The following DSCAML1 variants were observed in gnomAD, a reference collection of about 807,000 sequenced individuals.
DSCAML1 encodes the protein DS cell adhesion molecule like 1.
DSCAML1 carries 38 observed loss-of-function variants against 200.5 expected under a neutral mutation model. The ratio of observed to expected loss-of-function variants is 0.19; its 90% CI spans 0.15 to 0.25. The LOEUF is 0.25. Among genes scored for constraint, DSCAML1 ranks in the 10% least tolerant of loss-of-function variants. DSCAML1 has a pLI of 1.00. For missense variants in DSCAML1, 2,223 were observed against 2,858.8 expected (o/e 0.78, Z 5.07); for synonymous variants, 1,215 against 1,165.0 (o/e 1.04, Z -0.87).
chr11:117,477,349 AGTGTGTGTGTGTGTGTGTGTGT>A (rs5795087), intron 14 of DSCAML1, among the ~76,000 whole-genome samples: 4 of 140,098 alleles, frequency 2.9e-5, no homozygotes, highest in East Asian at 4.4e-4. Context: ...TGGTTCTGAA[AGTGTGTGTGTGTGTGTGTGTGT>A]GTGTGTGTGT....
chr11:117,673,328 C>T (rs773158893), intron 3 of DSCAML1, among the ~76,000 whole-genome samples: 29 of 152,284 alleles, frequency 1.9e-4, no homozygotes, highest in East Asian at 3.9e-4. Flanking sequence ...TTTCTGTTTA[C>T]GTTAAGCATC....
At chr11:117,701,850 C>T (rs980417945) in intron 3 of DSCAML1, among the ~76,000 whole-genome samples, 12 of 152,302 alleles carry the variant, frequency 7.9e-5, no homozygotes, top group South Asian at 2.1e-4. Context: ...GTCATCCCCG[C>T]GCTCAGCCTC....
intron 11 of DSCAML1, among the ~76,000 whole-genome samples, chr11:117,493,078 T>C (rs570947893): frequency 1.3e-5 from 2 of 152,106 alleles, no homozygotes; most frequent in South Asian, 2.1e-4. Context: ...CCGAACAGTA[T>C]GTGTGCAAGG....
chr11:117,441,772 G>A (rs2048054325), intron 21 of DSCAML1, among the ~76,000 whole-genome samples: 1 of 152,126 alleles, frequency 6.6e-6, no homozygotes, highest in African/African-American at 2.4e-5. Context: ...TCTCAGAGCA[G>A]GGGAGTTCTG....
intron 11 of DSCAML1, among the ~76,000 whole-genome samples, chr11:117,486,149 CAT>C (rs1156715081): frequency 1.3e-5 from 2 of 152,206 alleles, no homozygotes; most frequent in Non-Finnish European, 2.9e-5. Context: ...TTTTCTTTTC[CAT>C]CCTCGCCAGC....
intron 3 of DSCAML1, among the ~76,000 whole-genome samples, chr11:117,588,338 C>T (rs547717273): frequency 6.6e-6 from 1 of 152,144 alleles, no homozygotes; most frequent in Non-Finnish European, 1.5e-5. Flanking sequence ...CAGAGGAGTC[C>T]CCCTGCTCCT....
intron 14 of DSCAML1, among the ~76,000 whole-genome samples, chr11:117,477,511 A>G (rs1236317711): frequency 2.0e-5 from 3 of 152,078 alleles, no homozygotes; most frequent in Non-Finnish European, 4.4e-5. Flanking sequence ...TCTGCAAAAA[A>G]AAAATTGGCA....
intron 24 of DSCAML1, 55 bp from the exon 25 acceptor site, chr11:117,438,138 GC>G: frequency 6.5e-7 from 1 of 1,530,718 alleles, no homozygotes; most frequent in South Asian, 1.2e-5. Flanking sequence ...GGCAGCAGAA[GC>G]CCAGCCTCAG....
intron 19 of DSCAML1, among the ~76,000 whole-genome samples, chr11:117,456,102 G>A (rs931140565): frequency 2.0e-5 from 3 of 152,172 alleles, no homozygotes; most frequent in Non-Finnish European, 4.4e-5. Flanking sequence ...GTCTGTTGAG[G>A]GGGTTTCTGG....
intron 20 of DSCAML1, 102 bp from the exon 21 acceptor site, chr11:117,444,141 CG>C: frequency 1.5e-6 from 2 of 1,335,356 alleles, no homozygotes; most frequent in Non-Finnish European, 2.0e-6. Context: ...ATGGCGGGGT[CG>C]GATGCGAGGC....
intron 11 of DSCAML1, among the ~76,000 whole-genome samples, chr11:117,497,560 G>C (rs181766000): frequency 1.5e-4 from 23 of 152,334 alleles, no homozygotes; most frequent in Admixed American, 1.5e-3. Context: ...TGAGGCCAAA[G>C]AGACAGCCGG....
At chr11:117,703,062 G>A (rs1008495816) in intron 3 of DSCAML1, among the ~76,000 whole-genome samples, 4 of 152,200 alleles carry the variant, frequency 2.6e-5, no homozygotes, top group Non-Finnish European at 5.9e-5. Context: ...ATGCCGTAAA[G>A]ATGCACATAA....
At chr11:117,691,032 ATC>A (rs1253533812) in intron 3 of DSCAML1, among the ~76,000 whole-genome samples, 2 of 152,184 alleles carry the variant, frequency 1.3e-5, no homozygotes, top group Non-Finnish European at 1.5e-5. Flanking sequence ...AAAGGACAGG[ATC>A]TCTGTCCCCC....
intron 3 of DSCAML1, among the ~76,000 whole-genome samples, chr11:117,592,271 G>C (rs936504300): frequency 3.3e-5 from 5 of 152,134 alleles, no homozygotes; most frequent in African/African-American, 1.2e-4. Context: ...CCTCCTCCTG[G>C]AGGCCGGCTC....
chr11:117,551,948 C>T (rs1022486247), intron 3 of DSCAML1, among the ~76,000 whole-genome samples: 8 of 150,556 alleles, frequency 5.3e-5, no homozygotes, highest in East Asian at 2.0e-4. Context: ...AAGAGATCTC[C>T]GTGGCTAATC....
intron 1 of DSCAML1, among the ~76,000 whole-genome samples, chr11:117,790,780 C>T (rs1591514512): frequency 6.6e-6 from 1 of 152,186 alleles, no homozygotes; most frequent in South Asian, 2.1e-4. Flanking sequence ...AATAAAGGCA[C>T]ATGAACCATT....
intron 3 of DSCAML1, among the ~76,000 whole-genome samples, chr11:117,704,186 AC>A (rs1458414492): frequency 1.3e-5 from 2 of 151,854 alleles, no homozygotes; most frequent in Non-Finnish European, 1.5e-5. Context: ...GGACAGAATG[AC>A]CTGAAGCCAA....
At chr11:117,467,917 C>G (rs1251304998) in intron 16 of DSCAML1, among the ~76,000 whole-genome samples, 1 of 152,142 alleles carries the variant, frequency 6.6e-6, no homozygotes, top group Non-Finnish European at 1.5e-5. Context: ...CACAGATTGC[C>G]TACATGCCCA....
intron 19 of DSCAML1, among the ~76,000 whole-genome samples, chr11:117,453,777 C>T (rs1387205134): frequency 1.4e-5 from 2 of 146,476 alleles, no homozygotes; most frequent in African/African-American, 5.2e-5. Context: ...TAGAGTCTCG[C>T]TCTGTCCCTA....
Sources: allele counts gnomAD v4.1 joint callset (sites outside exome capture counted in the v4.1 genomes callset), GRCh38; gene constraint gnomAD v4.1.1; transcripts MANE v1.5; gene names NCBI Gene and HGNC (gene_info 2026-07-23, HGNC 2026-07-21).